ZWILCH: variants seen among roughly 807,000 people sequenced by gnomAD.
ZWILCH encodes the protein protein zwilch homolog.
ZWILCH carries 74 observed loss-of-function variants against 79.9 expected under a neutral mutation model. The ratio of observed to expected loss-of-function variants is 0.93; its 90% CI spans 0.77 to 1.12. The LOEUF is 1.12. Among genes scored for constraint, ZWILCH ranks in the 50% most tolerant of loss-of-function variants. The pLI is 0.00. For missense variants in ZWILCH, 694 were observed against 687.5 expected (o/e 1.01, Z -0.11); for synonymous variants, 241 against 228.2 (o/e 1.06, Z -0.51).
intron 17 of ZWILCH, among the ~76,000 whole-genome samples, chr15:66,544,724 T>TTTTTTTGTGTGTG (rs145952622): frequency 3.1e-5 from 4 of 128,544 alleles, no homozygotes; most frequent in South Asian, 2.7e-4. Flanking sequence ...TTTTTGGTTT[T>TTTTTTTGTGTGTG]TGTGTGTGTG....
intron 2 of ZWILCH, among the ~76,000 whole-genome samples, chr15:66,513,761 T>TG (rs1894156756): frequency 6.6e-6 from 1 of 151,850 alleles, no homozygotes; most frequent in Non-Finnish European, 1.5e-5. Context: ...TTAGTAGAGA[T>TG]GGAGTTTCAC....
intron 4 of ZWILCH, among the ~76,000 whole-genome samples, chr15:66,517,430 G>GTGTGTATATATATATATA: frequency 5.0e-4 from 33 of 66,512 alleles, no homozygotes; most frequent in African/African-American, 8.0e-4. Flanking sequence ...GTGTGTGTGT[G>GTGTGTATATATATATATA]TATATATATA....
intron 17 of ZWILCH, among the ~76,000 whole-genome samples, chr15:66,542,298 A>G (rs1313220165): frequency 5.9e-5 from 9 of 152,116 alleles, no homozygotes; most frequent in Admixed American, 3.3e-4. Context: ...AAAAAATACA[A>G]AAAAAGGCCG....
chr15:66,532,147 A>G (rs1894869818), intron 12 of ZWILCH, 100 bp from the exon 13 acceptor site: 8 of 899,244 alleles, frequency 8.9e-6, no homozygotes, highest in Admixed American at 7.0e-5. Context: ...ATGCAAGCTT[A>G]TAATTTTTAG....
At position 66,520,474 on chromosome 15, in the gene ZWILCH, T is replaced by C. The variant is rs113647244; in HGVS notation, c.521-116T>C. 4 of 662,192 alleles carry C rather than the reference T, an allele frequency of 6.0e-6. No individual in the cohort carries two copies. The Admixed American group carries it at 1.2e-4, about 19-fold the overall frequency. The allele number at this position is 662,192 out of a possible 1,614,324, so 41.0% of individuals were successfully genotyped here. A position where few individuals can be genotyped will look rare whatever the true frequency, so the allele number is the denominator to read the frequency against. ...TTATCTGTGATTTAAAATTTAATTT[T>C]AACAGTTATTTTGTTGAGTTGTGGT... On this transcript the variant is annotated intron_variant, in intron 5 of 18. Coordinates refer to ENST00000307897, the MANE Select transcript of ZWILCH (RefSeq NM_017975.5).
Position 66,505,622 on chromosome 15 carries a change from G to A in ZWILCH, c.53+231G>A, listed in dbSNP as rs187771072. On this transcript the variant is annotated intron_variant, in intron 1 of 18. Coordinates refer to ENST00000307897, the MANE Select transcript of ZWILCH (RefSeq NM_017975.5). Reference sequence around the variant, plus strand: ...TACGTCATCAAACGAGATGGAAGGTGGCAAGTGTTCCAAGAGGCGATTTAT... The same window carrying A: ...TACGTCATCAAACGAGATGGAAGGTAGCAAGTGTTCCAAGAGGCGATTTAT... 1.8e-5 allele frequency: 10 copies of A among 555,914 alleles called. No homozygotes were observed. The East Asian group carries it at 3.2e-4, about 18-fold the overall frequency. 34.4% of individuals were successfully genotyped at this position (555,914 alleles called of 1,614,324 possible).
At chr15:66,518,102 C>T (rs1490893225) in intron 4 of ZWILCH, among the ~76,000 whole-genome samples, 1 of 152,038 alleles carries the variant, frequency 6.6e-6, no homozygotes, top group Non-Finnish European at 1.5e-5. Flanking sequence ...TCCACTCCTG[C>T]TGAACCCCCA....
intron 1 of ZWILCH, among the ~76,000 whole-genome samples, chr15:66,506,484 C>T (rs1411517065): frequency 6.6e-6 from 1 of 152,122 alleles, no homozygotes; most frequent in Non-Finnish European, 1.5e-5. Flanking sequence ...GCCTGGCCAA[C>T]ATGGCAAGAC....
rs78397664 is a variant in ZWILCH, at chr15:66,540,952, C to T, written c.1687+742C>T. On this transcript the variant is annotated intron_variant, in intron 17 of 18. Coordinates refer to ENST00000307897, the MANE Select transcript of ZWILCH (RefSeq NM_017975.5). Reference sequence around the variant, plus strand: ...TGTGCCCAGTTTTAAGTAATTTTCCCGAACTCTAAGTGTAAAACATATTTA... The same window carrying T: ...TGTGCCCAGTTTTAAGTAATTTTCCTGAACTCTAAGTGTAAAACATATTTA... Among the ~76,000 whole-genome samples the T allele has an allele frequency of 8.0e-3, 1,217 of 151,484 alleles. 46 individuals carry two copies. Among genetic ancestry groups the T allele is most frequent in the Admixed American group, 0.063 (958 of 15,214 alleles).
rs775537560 is a variant in ZWILCH at position 66,518,852 on chromosome 15, T to C, written c.321-27T>C. 1.9e-6 allele frequency: 3 copies of C among 1,592,650 alleles called. No homozygotes were observed. In the South Asian group the frequency reaches 3.3e-5, roughly 18 times the overall value. On this transcript the variant is annotated intron_variant, in intron 4 of 18. Coordinates refer to ENST00000307897, the MANE Select transcript of ZWILCH (RefSeq NM_017975.5). ...TTCTTGAATTGGAAATCTCTATCTA[T>C]AATTTGTCCTTACTCTTGTTTTAAA... is the stretch of plus-strand genomic sequence containing the variant.
intron 14 of ZWILCH, among the ~76,000 whole-genome samples, chr15:66,534,398 A>G (rs537402007): frequency 4.1e-4 from 62 of 152,326 alleles, no homozygotes; most frequent in Admixed American, 9.2e-4. Context: ...CTCCATGGAT[A>G]CCAACGGACA....
chr15:66,509,822 CATATATATATATATATAT>C (rs201725734), intron 2 of ZWILCH, among the ~76,000 whole-genome samples: 2,931 of 88,924 alleles, frequency 0.033, 89 homozygotes, highest in East Asian at 0.054. Flanking sequence ...TGTGTGGCTA[CATATATATATATATATAT>C]ATATATATAT....
chr15:66,515,698 A>G (rs1894226055), intron 4 of ZWILCH, 54 bp downstream of exon 4: 1 of 1,254,576 alleles, frequency 8.0e-7, no homozygotes, highest in Non-Finnish European at 1.2e-6. Flanking sequence ...AAATTGAAAC[A>G]TTCTTATAAA....
intron 16 of ZWILCH, among the ~76,000 whole-genome samples, chr15:66,539,423 A>G (rs12914954): frequency 6.6e-6 from 1 of 151,222 alleles, no homozygotes; most frequent in Non-Finnish European, 1.5e-5. Flanking sequence ...AAAAAAAAAA[A>G]GATTACTGAG....
At chr15:66,538,766 T>C (rs1015212536) in intron 16 of ZWILCH, among the ~76,000 whole-genome samples, 14 of 152,172 alleles carry the variant, frequency 9.2e-5, no homozygotes, top group Admixed American at 2.0e-4. Flanking sequence ...TGACGTAGCA[T>C]CTGTCTTAAT....
intron 17 of ZWILCH, among the ~76,000 whole-genome samples, chr15:66,544,724 T>TGTGTGTGTGTG (rs1555426548): frequency 0.074 from 9,540 of 128,442 alleles, 433 homozygotes; most frequent in Non-Finnish European, 0.095. Flanking sequence ...TTTTTGGTTT[T>TGTGTGTGTGTG]TGTGTGTGTG....
intron 16 of ZWILCH, among the ~76,000 whole-genome samples, chr15:66,537,762 G>T (rs551585397): frequency 6.6e-6 from 1 of 152,082 alleles, no homozygotes; most frequent in South Asian, 2.1e-4. Flanking sequence ...CATGATCCTA[G>T]GCAATTTCAG....
chr15:66,515,249 G>A (rs147728088), intron 3 of ZWILCH, among the ~76,000 whole-genome samples: 4 of 152,040 alleles, frequency 2.6e-5, no homozygotes, highest in Admixed American at 6.6e-5. Context: ...ATGTCCTGCC[G>A]AGCACTTCCT....
At chr15:66,532,457 A>G (rs1002040744) in intron 13 of ZWILCH, 54 bp downstream of exon 13, 102 of 1,491,696 alleles carry the variant, frequency 6.8e-5, no homozygotes, top group Non-Finnish European at 8.9e-5. Context: ...GTTATCAGTC[A>G]CAGATATTCT....
Sources: allele counts gnomAD v4.1 joint callset (sites outside exome capture counted in the v4.1 genomes callset), GRCh38; gene constraint gnomAD v4.1.1; transcripts MANE v1.5; gene names NCBI Gene and HGNC (gene_info 2026-07-23, HGNC 2026-07-21).